Variants in INTS6 observed in about 807,000 individuals in gnomAD.
INTS6 encodes integrator complex subunit 6.
A neutral mutation model predicts 104.9 loss-of-function variants in INTS6; 16 were observed. The ratio of observed to expected loss-of-function variants is 0.15; its 90% CI spans 0.10 to 0.23. The LOEUF is 0.23. Among genes scored for constraint, INTS6 ranks in the 10% least tolerant of loss-of-function variants. The pLI is 1.00. For missense variants in INTS6, 584 were observed against 1,062.8 expected, an observed-to-expected ratio of 0.55 and a Z score of 6.26; for synonymous variants, 324 against 358.7, an observed-to-expected ratio of 0.90 and a Z score of 1.09.
chr13:51,370,957 A>C (rs888952658), intron 15 of INTS6, among the ~76,000 whole-genome samples: 2 of 152,074 alleles, frequency 1.3e-5, no homozygotes, highest in Non-Finnish European at 2.9e-5. Context: ...GGTCATTCTC[A>C]AGGTATGCTT....
At chr13:51,392,556 T>C (rs1249728365) in intron 5 of INTS6, among the ~76,000 whole-genome samples, 1 of 152,248 alleles carries the variant, frequency 6.6e-6, no homozygotes, top group African/African-American at 2.4e-5. Context: ...AGCATGTCCC[T>C]TTCCTTGCCA....
chr13:51,344,400 T>A, the INTS6 span: 1 of 1,611,846 alleles, frequency 6.2e-7, no homozygotes, highest in African/African-American at 1.3e-5. Context: ...CCTGGTGGGC[T>A]AACAGCAGCC....
At chr13:51,408,146 GT>G (rs541254081) in intron 4 of INTS6, among the ~76,000 whole-genome samples, 3,234 of 140,944 alleles carry the variant, frequency 0.023, 51 homozygotes, top group African/African-American at 0.055. Context: ...ATTGAGATGG[GT>G]TTTTTTTTTT....
At chr13:51,345,487 G>C in the INTS6 span, among the ~76,000 whole-genome samples, 2 of 151,330 alleles carry the variant, frequency 1.3e-5, no homozygotes, top group African/African-American at 4.9e-5. Context: ...CCAGCTACTC[G>C]GGGAGGCTGA....
chr13:51,365,085 A>C lies in INTS6; in HGVS notation c.*667T>G, dbSNP rs990725843. Reference sequence around the variant, plus strand: ...AGGCAATGCAGATTATGTAACATGTAATTACAGTTAGGCTTAACAAACATG... The same window carrying C: ...AGGCAATGCAGATTATGTAACATGTCATTACAGTTAGGCTTAACAAACATG... On this transcript the variant is annotated 3_prime_UTR_variant, in exon 18 of 18. Coordinates refer to ENST00000311234, the MANE Select transcript of INTS6 (RefSeq NM_012141.3). The C allele has an allele frequency of 6.6e-6, 1 of 152,530 alleles. No individual in the cohort carries two copies. The highest frequency in any genetic ancestry group is 6.6e-5 in the Admixed American group (1 of 15,238). The allele number at this position is 152,530 out of a possible 1,614,324, so 9.4% of individuals were successfully genotyped here.
chr13:51,404,382 G>GAACC (rs1307731695), intron 4 of INTS6, among the ~76,000 whole-genome samples: 2 of 151,536 alleles, frequency 1.3e-5, no homozygotes, highest in African/African-American at 4.9e-5. Flanking sequence ...ACGAGTCACA[G>GAACC]AACCAGTCTT....
the INTS6 span, among the ~76,000 whole-genome samples, chr13:51,347,597 T>C: frequency 6.6e-6 from 1 of 152,354 alleles, no homozygotes; most frequent in African/African-American, 2.4e-5. Flanking sequence ...CCCTGTACCC[T>C]TATCCATGAT....
chr13:51,418,710 A>G (rs999210081), intron 4 of INTS6, among the ~76,000 whole-genome samples: 3 of 152,212 alleles, frequency 2.0e-5, no homozygotes, highest in African/African-American at 2.4e-5. Context: ...TTTAAGGTCA[A>G]TATTTGTTCA....
At chr13:51,403,446 G>A (rs756045812) in intron 4 of INTS6, among the ~76,000 whole-genome samples, 29 of 151,880 alleles carry the variant, frequency 1.9e-4, no homozygotes, top group Admixed American at 3.9e-4. Context: ...TCCGGGCGTG[G>A]TGGCACGTGC....
intron 15 of INTS6, among the ~76,000 whole-genome samples, chr13:51,369,737 G>A (rs975462598): frequency 2.0e-5 from 3 of 152,108 alleles, no homozygotes; most frequent in African/African-American, 7.2e-5. Context: ...TAAACACTGG[G>A]TAGTTTTTAC....
chr13:51,367,179 TAC>T (rs1160231808), intron 17 of INTS6, among the ~76,000 whole-genome samples: 2 of 151,804 alleles, frequency 1.3e-5, no homozygotes, highest in African/African-American at 4.8e-5. Flanking sequence ...ATAATACTAA[TAC>T]AGTGTAAATA....
At chr13:51,410,890 C>T (rs780937233) in intron 4 of INTS6, among the ~76,000 whole-genome samples, 1 of 152,054 alleles carries the variant, frequency 6.6e-6, no homozygotes, top group Admixed American at 6.6e-5. Flanking sequence ...TCAGGATGCT[C>T]ACTTGACCAA....
the INTS6 span, among the ~76,000 whole-genome samples, chr13:51,347,693 G>A: frequency 6.6e-6 from 1 of 152,100 alleles, no homozygotes; most frequent in Non-Finnish European, 1.5e-5. Context: ...TAAACTGCAC[G>A]CCCTTCTGAA....
chr13:51,425,652 AG>A (rs1183178202), intron 4 of INTS6, among the ~76,000 whole-genome samples: 5 of 152,132 alleles, frequency 3.3e-5, no homozygotes, highest in Non-Finnish European at 5.9e-5. Flanking sequence ...AATATTCATT[AG>A]CCATGTGTTC....
At chr13:51,434,018 T>A (rs906818121) in intron 3 of INTS6, among the ~76,000 whole-genome samples, 5 of 152,196 alleles carry the variant, frequency 3.3e-5, no homozygotes, top group Non-Finnish European at 7.4e-5. Context: ...AAAATCCACA[T>A]GGTCTTTCTG....
intron 3 of INTS6, chr13:51,440,620 A>G (rs1032248488): frequency 3.3e-5 from 5 of 152,128 alleles, no homozygotes; most frequent in Non-Finnish European, 7.4e-5. Flanking sequence ...CTTTCATACC[A>G]TATTTCTACT....
intron 3 of INTS6, 122 bp downstream of exon 3, chr13:51,450,903 A>G (rs553165482): frequency 1.8e-4 from 238 of 1,343,172 alleles, no homozygotes; most frequent in Middle Eastern, 1.2e-3. Flanking sequence ...AACAATGTGC[A>G]TATTCTATTT....
intron 4 of INTS6, among the ~76,000 whole-genome samples, chr13:51,407,593 G>T (rs571206277): frequency 2.5e-4 from 38 of 152,116 alleles, no homozygotes; most frequent in African/African-American, 9.2e-4. Context: ...ATAGAATACG[G>T]TATGTCCTAA....
chr13:51,451,993 C>T lies in INTS6; in HGVS notation c.174G>A (p.Pro58=), dbSNP rs1410164276. 1.2e-6 allele frequency: 2 copies of T among 1,609,266 alleles called. No homozygotes were observed. The highest frequency in any genetic ancestry group is 1.7e-6 in the Non-Finnish European group (2 of 1,177,170). ...DRYMLVTFEE[P]PYAIKAGWKE... Reference sequence around the variant, plus strand: ...GGGCTGTTACCTTGATAGCATAGGGCGGCTCTTCGAAAGTGACCAGCATAT... The same window carrying T: ...GGGCTGTTACCTTGATAGCATAGGGTGGCTCTTCGAAAGTGACCAGCATAT... Residue 58 remains proline, a synonymous_variant, in exon 2 of 18, where the codon CCG becomes CCA. Transcript: ENST00000311234.
Sources: allele counts gnomAD v4.1 joint callset (sites outside exome capture counted in the v4.1 genomes callset), GRCh38; gene constraint gnomAD v4.1.1; transcripts MANE v1.5; gene names NCBI Gene and HGNC (gene_info 2026-07-23, HGNC 2026-07-21).